The following TMTC2 variants were observed in gnomAD, a reference collection of about 807,000 sequenced individuals.
TMTC2 encodes the protein protein O-mannosyl-transferase TMTC2.
TMTC2 carries 43 observed loss-of-function variants against 82.4 expected under a neutral mutation model. The observed-to-expected ratio is 0.52, with a 90% CI of 0.41 to 0.67. The LOEUF (loss-of-function observed/expected upper bound fraction) is 0.67. Ranked by LOEUF, TMTC2 falls within the 30% of genes least tolerant of loss-of-function variation. The pLI, the probability that TMTC2 is intolerant of heterozygous loss-of-function variation, is 0.00. For synonymous variants in TMTC2, 408 were observed against 381.9 expected (o/e 1.07, Z -0.80); for missense variants, 919 against 1,012.4 (o/e 0.91, Z 1.25).
chr12:82,766,616 A>G (rs1307277437), intron 1 of TMTC2, among the ~76,000 whole-genome samples: 2 of 152,224 alleles, frequency 1.3e-5, no homozygotes. Flanking sequence ...TGATTATTCT[A>G]GATCAAGTCC....
chr12:82,909,215 A>T (rs921959157), intron 3 of TMTC2, among the ~76,000 whole-genome samples: 1 of 151,672 alleles, frequency 6.6e-6, no homozygotes, highest in Non-Finnish European at 1.5e-5. Context: ...CTGCAGTGTG[A>T]CCTCCTGCAT....
intron 11 of TMTC2, among the ~76,000 whole-genome samples, chr12:83,107,669 T>A (rs1884457227): frequency 6.6e-6 from 1 of 152,052 alleles, no homozygotes; most frequent in South Asian, 2.1e-4. Flanking sequence ...TAAGAAAAAA[T>A]CATAAAATTC....
intron 3 of TMTC2, among the ~76,000 whole-genome samples, chr12:82,913,494 T>C (rs1322223212): frequency 6.6e-6 from 1 of 152,170 alleles, no homozygotes; most frequent in Non-Finnish European, 1.5e-5. Context: ...TGAGTTTTAA[T>C]CATCCTGACA....
chr12:82,770,178 A>T (rs190067984), intron 1 of TMTC2, among the ~76,000 whole-genome samples: 1 of 152,308 alleles, frequency 6.6e-6, no homozygotes, highest in Admixed American at 6.5e-5. Context: ...GAGTTTGCCT[A>T]GGAAACGATA....
At position 82,771,525 on chromosome 12, in the gene TMTC2, T is replaced by A. The variant is rs139666825; in HGVS notation, c.83+83856T>A. Among the ~76,000 whole-genome samples, 1,172 of 152,298 alleles carry A rather than the reference T, an allele frequency of 7.7e-3. 5 individuals carry two copies. Among genetic ancestry groups the A allele is most frequent in the Non-Finnish European group, 0.013 (883 of 68,026 alleles). On this transcript the variant is annotated intron_variant, in intron 1 of 11. Transcript: ENST00000321196. ...TTTTTGTGTGTGTTTTTTTAACTGC[T>A]TAGTCACTGAAAGCTTTTGATTTGG... is the stretch of plus-strand genomic sequence containing the variant.
chr12:82,714,231 G>A (rs1406603917), intron 1 of TMTC2, among the ~76,000 whole-genome samples: 1 of 152,162 alleles, frequency 6.6e-6, no homozygotes, highest in African/African-American at 2.4e-5. Context: ...AATGATTTAT[G>A]GTGATGGTTG....
chr12:83,046,980 G>A (rs60173644), intron 9 of TMTC2, among the ~76,000 whole-genome samples: 1 of 152,072 alleles, frequency 6.6e-6, no homozygotes, highest in Non-Finnish European at 1.5e-5. Flanking sequence ...GTTGGAAACT[G>A]GTCTAAGAAG....
At chr12:82,717,386 G>A (rs377081833) in intron 1 of TMTC2, among the ~76,000 whole-genome samples, 37 of 151,836 alleles carry the variant, frequency 2.4e-4, no homozygotes, top group South Asian at 8.3e-4. Context: ...CACCATGCCC[G>A]GCTAAGTTTT....
At chr12:82,859,067 A>AT (rs1224587372) in intron 2 of TMTC2, among the ~76,000 whole-genome samples, 6,928 of 130,480 alleles carry the variant, frequency 0.053, 214 homozygotes, top group African/African-American at 0.063. Flanking sequence ...AAATATTGTG[A>AT]TTTTTTTTTT....
intron 7 of TMTC2, among the ~76,000 whole-genome samples, chr12:82,968,074 G>T (rs956238338): frequency 6.6e-6 from 1 of 152,100 alleles, no homozygotes; most frequent in South Asian, 2.1e-4. Context: ...TTAGAGATAG[G>T]CTGGAGTACT....
intron 1 of TMTC2, among the ~76,000 whole-genome samples, chr12:82,736,834 A>T (rs1022533376): frequency 6.6e-6 from 1 of 152,212 alleles, no homozygotes; most frequent in African/African-American, 2.4e-5. Context: ...AGTTAATCAG[A>T]GGTGAAATGA....
rs188087422 is a variant in TMTC2 at position 82,690,460 on chromosome 12, G to A, written c.83+2791G>A. The A allele has an allele frequency of 2.2e-5, 21 of 934,812 alleles. No homozygotes were observed. The Middle Eastern group carries it at 1.6e-3, about 73-fold the overall frequency. 57.9% of individuals were successfully genotyped at this position (934,812 alleles called of 1,614,324 possible). A position where few individuals can be genotyped will look rare whatever the true frequency, so the allele number is the denominator to read the frequency against. Reference sequence around the variant, plus strand: ...AAGGTTATCATTTCTTTTAAATATAGTGATCGTTTACTTTATAAACTATAT... The same window carrying A: ...AAGGTTATCATTTCTTTTAAATATAATGATCGTTTACTTTATAAACTATAT... On this transcript the variant is annotated intron_variant, in intron 1 of 11. Coordinates refer to ENST00000321196, the MANE Select transcript of TMTC2 (RefSeq NM_152588.3).
In TMTC2 at chr12:83,064,602, G is replaced by T. The variant is rs145577395; in HGVS notation, c.2331+2771G>T. 8.0e-3 allele frequency among the ~76,000 whole-genome samples: 1,220 copies of T among 151,884 alleles called. 13 individuals are homozygous for T. Among genetic ancestry groups the T allele is most frequent in the Middle Eastern group, 0.037 (11 of 294 alleles). ...GGTGAGTAAAACACCACAGCACAGAGGAAACAGTGATAAAATACAACCATG... is the reference window on the plus strand; with the variant it reads ...GGTGAGTAAAACACCACAGCACAGATGAAACAGTGATAAAATACAACCATG... On this transcript the variant is annotated intron_variant, in intron 11 of 11. Coordinates refer to ENST00000321196, the MANE Select transcript of TMTC2 (RefSeq NM_152588.3).
intron 2 of TMTC2, among the ~76,000 whole-genome samples, chr12:82,871,962 G>A (rs1218583087): frequency 6.7e-6 from 1 of 150,208 alleles, no homozygotes; most frequent in Non-Finnish European, 1.5e-5. Flanking sequence ...GATAATTTGT[G>A]CATTCATTAT....
intron 11 of TMTC2, among the ~76,000 whole-genome samples, chr12:83,065,825 T>G (rs1592725231): frequency 1.3e-5 from 2 of 151,948 alleles, no homozygotes; most frequent in African/African-American, 4.8e-5. Flanking sequence ...AACTTATGGA[T>G]TTTTAAAAAA....
intron 1 of TMTC2, among the ~76,000 whole-genome samples, chr12:82,696,964 G>GTATATA (rs3993380): frequency 4.0e-4 from 57 of 141,548 alleles, no homozygotes; most frequent in African/African-American, 1.3e-3. Context: ...ACATACATAC[G>GTATATA]TATATATATA....
At chr12:83,046,881 A>T (rs1286433107) in intron 9 of TMTC2, among the ~76,000 whole-genome samples, 1 of 152,204 alleles carries the variant, frequency 6.6e-6, no homozygotes, top group East Asian at 1.9e-4. Context: ...GCTTCAGCAT[A>T]ATTAATACTC....
At chr12:83,071,590 A>T (rs1883117953) in intron 11 of TMTC2, among the ~76,000 whole-genome samples, 1 of 152,076 alleles carries the variant, frequency 6.6e-6, no homozygotes, top group Non-Finnish European at 1.5e-5. Flanking sequence ...TCTTCTTTTA[A>T]TGTCTGGTAG....
intron 1 of TMTC2, among the ~76,000 whole-genome samples, chr12:82,850,446 G>T (rs1326231395): frequency 6.6e-6 from 1 of 151,344 alleles, no homozygotes; most frequent in African/African-American, 2.4e-5. Context: ...GGCTAGAGTG[G>T]GTGGAGTCAT....
Sources: gnomAD v4.1 joint callset for allele counts (sites outside exome capture counted in the v4.1 genomes callset) on GRCh38, gnomAD v4.1.1 for gene constraint, MANE v1.5 for transcripts, NCBI Gene and HGNC (gene_info 2026-07-23, HGNC 2026-07-21) for gene names.